ABHD12: variants seen among roughly 807,000 people sequenced by gnomAD.
ABHD12 encodes lysophosphatidylserine lipase ABHD12.
ABHD12 carries 43 observed loss-of-function variants against 58.3 expected under a neutral mutation model. The ratio of observed to expected loss-of-function variants is 0.74; its 90% confidence interval spans 0.58 to 0.95. The LOEUF (loss-of-function observed/expected upper bound fraction) is 0.95. Ranked by LOEUF, ABHD12 falls within the 40% of genes least tolerant of loss-of-function variation. The pLI is 0.00. For missense variants in ABHD12, 539 were observed against 537.2 expected, an observed-to-expected ratio of 1.00 and a Z score of -0.03; for synonymous variants, 219 against 211.2, an observed-to-expected ratio of 1.04 and a Z score of -0.32.
At chr20:25,335,859 A>G (rs1313212797) in intron 2 of ABHD12, among the ~76,000 whole-genome samples, 1 of 148,920 alleles carries the variant, frequency 6.7e-6, no homozygotes, top group Non-Finnish European at 1.5e-5. Context: ...CTAATGCTAG[A>G]TGACGAGTTA....
chr20:25,302,505 T>A (rs529587366), intron 11 of ABHD12, among the ~76,000 whole-genome samples, 159 bp from the exon 12 acceptor site: 1 of 151,502 alleles, frequency 6.6e-6, no homozygotes, highest in East Asian at 2.0e-4. Context: ...GGCCCGGGGG[T>A]GGGCTGGGAG....
intron 1 of ABHD12, among the ~76,000 whole-genome samples, chr20:25,354,872 T>C (rs1004608365): frequency 6.6e-6 from 1 of 152,198 alleles, no homozygotes; most frequent in African/African-American, 2.4e-5. Context: ...ATTAGAAACC[T>C]ACCCCAATCA....
intron 6 of ABHD12, among the ~76,000 whole-genome samples, chr20:25,310,667 G>GGAGACA (rs952672353): frequency 3.9e-5 from 6 of 152,230 alleles, no homozygotes; most frequent in Non-Finnish European, 7.3e-5. Flanking sequence ...GACAGGGACA[G>GGAGACA]GAGACAGAGA....
At chr20:25,318,751 T>C (rs2089010692) in intron 4 of ABHD12, among the ~76,000 whole-genome samples, 1 of 152,024 alleles carries the variant, frequency 6.6e-6, no homozygotes. Flanking sequence ...TATAAAAAGA[T>C]GCTGCAAGAG....
chr20:25,347,025 C>CTGAA (rs2089528838), intron 1 of ABHD12, among the ~76,000 whole-genome samples: 2 of 152,102 alleles, frequency 1.3e-5, no homozygotes, highest in South Asian at 4.1e-4. Context: ...CACAGAAAAC[C>CTGAA]TGAAGCACAG....
intron 2 of ABHD12, among the ~76,000 whole-genome samples, chr20:25,325,565 A>G (rs1247124496): frequency 6.6e-6 from 1 of 152,132 alleles, no homozygotes; most frequent in African/African-American, 2.4e-5. Flanking sequence ...GATGACCAAG[A>G]AGATGGAGAA....
At chr20:25,302,424 C>T in intron 11 of ABHD12, 78 bp from the exon 12 acceptor site, 2 of 1,584,708 alleles carry the variant, frequency 1.3e-6, no homozygotes, top group Non-Finnish European at 8.6e-7. Flanking sequence ...GCTTGGCAGC[C>T]TCCCCTTCAA....
At chr20:25,383,648 G>A (rs776749903) in intron 1 of ABHD12, among the ~76,000 whole-genome samples, 6 of 152,208 alleles carry the variant, frequency 3.9e-5, no homozygotes, top group Admixed American at 6.5e-5. Context: ...GTGAAACCCC[G>A]TCTCTACTAA....
rs1440203676 is a variant in ABHD12, at chr20:25,323,441, TAAAG to T, written c.317-15_317-12del. On this transcript the variant is annotated splice_polypyrimidine_tract_variant and intron_variant, in intron 2 of 12. Coordinates refer to ENST00000339157, the MANE Select transcript of ABHD12 (RefSeq NM_001042472.3). ...AATAGGGAACTCTTACTGTAGGAAA[TAAAG>T]AGATGGAAATTAGGATTACTGGTGG... is the stretch of plus-strand genomic sequence containing the variant. 16 of 1,530,786 alleles carry T rather than the reference TAAAG, an allele frequency of 1.0e-5. No homozygotes were observed. Among genetic ancestry groups the T allele is most frequent in the Middle Eastern group, 1.7e-4 (1 of 5,940 alleles). 94.8% of individuals were successfully genotyped at this position (1,530,786 alleles called of 1,614,324 possible). A position where few individuals can be genotyped will look rare whatever the true frequency, so the allele number is the denominator to read the frequency against.
Position 25,387,376 on chromosome 20 carries a change from C to A in ABHD12, c.191+3137G>T, listed in dbSNP as rs144915018. 5.9e-3 allele frequency among the ~76,000 whole-genome samples: 899 copies of A among 152,004 alleles called. 9 individuals are homozygous for A. The highest frequency in any genetic ancestry group is 0.02 in the African/African-American group (847 of 41,438). On this transcript the variant is annotated intron_variant, in intron 1 of 12. Coordinates refer to ENST00000339157, the MANE Select transcript of ABHD12 (RefSeq NM_001042472.3). ...ACGAGTTGGAGACCAGTCTGGCCAA[C>A]ATGGTGAAACCCCATCTCTACAAAA... is the stretch of plus-strand genomic sequence containing the variant.
At chr20:25,387,820 A>T (rs935229972) in intron 1 of ABHD12, among the ~76,000 whole-genome samples, 7 of 151,528 alleles carry the variant, frequency 4.6e-5, no homozygotes, top group Admixed American at 3.9e-4. Context: ...AGGTGGGTGG[A>T]TCACGAGGTC....
intron 1 of ABHD12, among the ~76,000 whole-genome samples, chr20:25,354,734 G>T (rs554368298): frequency 6.6e-6 from 1 of 151,874 alleles, no homozygotes; most frequent in African/African-American, 2.4e-5. Flanking sequence ...TCCTAAGATA[G>T]AATTGTTATA....
At chr20:25,318,073 T>G (rs1414223980) in intron 4 of ABHD12, among the ~76,000 whole-genome samples, 1 of 152,178 alleles carries the variant, frequency 6.6e-6, no homozygotes, top group Admixed American at 6.5e-5. Flanking sequence ...TCCCAGCACT[T>G]TGGGAGGCCG....
intron 2 of ABHD12, among the ~76,000 whole-genome samples, chr20:25,329,860 A>G (rs2089239524): frequency 6.6e-6 from 1 of 152,218 alleles, no homozygotes. Flanking sequence ...TAAGAAAAGA[A>G]AGGTAACAGG....
intron 1 of ABHD12, among the ~76,000 whole-genome samples, chr20:25,376,533 G>A (rs1191600021): frequency 6.6e-6 from 1 of 152,138 alleles, no homozygotes; most frequent in Non-Finnish European, 1.5e-5. Flanking sequence ...TTATTTTCCT[G>A]GCAGAAACAA....
chr20:25,382,293 G>A (rs941841910), intron 1 of ABHD12, among the ~76,000 whole-genome samples: 4 of 151,852 alleles, frequency 2.6e-5, no homozygotes, highest in Non-Finnish European at 5.9e-5. Flanking sequence ...CTGGCTCTTG[G>A]CCCCTGTTCA....
At chr20:25,301,192 A>G (rs1231794565) in intron 12 of ABHD12, among the ~76,000 whole-genome samples, 1 of 152,214 alleles carries the variant, frequency 6.6e-6, no homozygotes, top group Admixed American at 6.5e-5. Flanking sequence ...GGGGAAAATT[A>G]TAACCGCAAA....
rs1257229753 is a variant in ABHD12, at chr20:25,302,303, T to C, written c.1073A>G (p.Lys358Arg). The C allele has an allele frequency of 6.2e-7, 1 of 1,613,842 alleles. No homozygotes were observed. Among genetic ancestry groups the C allele is most frequent in the Admixed American group, 1.7e-5 (1 of 60,022 alleles). ...AAPARSFRDFKVQFVPFHSDL... is the reference protein window; with the variant it reads ...AAPARSFRDFRVQFVPFHSDL... Reference sequence around the variant, plus strand: ...TGAATGAAAGGGCACAAACTGAACTTTGAAATCTCGGAAGCTTCGAGCTGG... The same window carrying C: ...TGAATGAAAGGGCACAAACTGAACTCTGAAATCTCGGAAGCTTCGAGCTGG... The change falls in exon 12 of 13, where the codon AAA (lysine) becomes AGA (arginine). Residue 358 changes from lysine (K) to arginine (R), a missense_variant. By Grantham distance (26) the Lys-to-Arg change is conservative. Transcript: ENST00000339157.
intron 4 of ABHD12, 101 bp downstream of exon 4, chr20:25,320,098 G>A (rs745670511): frequency 2.8e-5 from 43 of 1,545,206 alleles, no homozygotes; most frequent in Admixed American, 9.1e-5. Flanking sequence ...TTGTGGGACC[G>A]CAGGTTGCTC....
Sources: allele counts gnomAD v4.1 joint callset (sites outside exome capture counted in the v4.1 genomes callset), GRCh38; gene constraint gnomAD v4.1.1; transcripts MANE v1.5; gene names NCBI Gene and HGNC (gene_info 2026-07-23, HGNC 2026-07-21).